Variants in CLECL1 observed in about 807,000 individuals in gnomAD.
CLECL1 encodes the protein C-type lectin-like domain family 1.
At chr12:9,730,993 A>G (rs1310756415) in intron 1 of CLECL1, among the ~76,000 whole-genome samples, 1 of 152,200 alleles carries the variant, frequency 6.6e-6, no homozygotes, top group African/African-American at 2.4e-5. Context: ...GCCACTACAC[A>G]TGTTACTAAT....
chr12:9,724,326 A>G (rs1565482111), intron 3 of CLECL1, among the ~76,000 whole-genome samples: 1 of 152,228 alleles, frequency 6.6e-6, no homozygotes, highest in Non-Finnish European at 1.5e-5. Flanking sequence ...AATGCCTTAC[A>G]TGAAAAACCA....
chr12:9,730,938 G>A lies in CLECL1; in HGVS notation n.83-1262C>T, dbSNP rs11835130. Among the ~76,000 whole-genome samples the A allele has an allele frequency of 7.8e-3, 1,181 of 152,142 alleles. 19 individuals are homozygous for A. The highest frequency in any genetic ancestry group is 0.027 in the African/African-American group (1,123 of 41,480). ...TGGGCTCAAGCGATCCTCCTTCCTC[G>A]GCATCCCAAAGTGTTGGGATTACAG... On this transcript the variant is annotated intron_variant and non_coding_transcript_variant, in intron 1 of 3. Coordinates refer to ENST00000621400, the Ensembl canonical transcript of CLECL1.
downstream of CLECL1, chr12:9,722,583 T>G (rs1866326451): frequency 6.5e-7 from 1 of 1,536,736 alleles, no homozygotes; most frequent in African/African-American, 1.4e-5. Flanking sequence ...GCCAAGTTTG[T>G]AGCACAAAAA....
chr12:9,727,450 C>T (rs959818985), intron 3 of CLECL1, among the ~76,000 whole-genome samples: 1 of 151,718 alleles, frequency 6.6e-6, no homozygotes, highest in Admixed American at 6.6e-5. Flanking sequence ...ATGATCTAAA[C>T]CATCTGTCTA....
chr12:9,721,099 CCTTA>C (rs1240852698), downstream of CLECL1, among the ~76,000 whole-genome samples: 3 of 152,048 alleles, frequency 2.0e-5, no homozygotes, highest in Admixed American at 6.6e-5. Context: ...CACACATCTC[CCTTA>C]CTTCTTTTTA....
chr12:9,727,535 C>A (rs746996623), intron 3 of CLECL1, among the ~76,000 whole-genome samples: 3 of 151,730 alleles, frequency 2.0e-5, no homozygotes, highest in African/African-American at 7.2e-5. Flanking sequence ...CTTGGTTACT[C>A]AGGAATTTGG....
the CLECL1 span, chr12:9,709,028 G>T: frequency 5.8e-6 from 1 of 172,806 alleles, no homozygotes; most frequent in Non-Finnish European, 1.2e-5. Flanking sequence ...AGGAAGGACT[G>T]AGTTGGCCTC....
At chr12:9,711,501 A>C (rs772610751), downstream of CLECL1, among the ~76,000 whole-genome samples, 10 of 98,454 alleles carry the variant, frequency 1.0e-4, no homozygotes, top group African/African-American at 3.8e-4. Context: ...GGTTTCAGAG[A>C]GTAAGTTATT....
the CLECL1 span, among the ~76,000 whole-genome samples, chr12:9,702,237 G>A: frequency 1.3e-5 from 2 of 152,160 alleles, no homozygotes; most frequent in Non-Finnish European, 2.9e-5. Context: ...GCTCTCAGCG[G>A]GATAGGGAGC....
At chr12:9,721,910 G>C (rs905774782), downstream of CLECL1, among the ~76,000 whole-genome samples, 1 of 152,086 alleles carries the variant, frequency 6.6e-6, no homozygotes, top group Non-Finnish European at 1.5e-5. Context: ...GTTTTTCTTG[G>C]TGTGGATTTC....
intron 3 of CLECL1, among the ~76,000 whole-genome samples, chr12:9,724,974 C>T (rs1866361002): frequency 6.6e-6 from 1 of 152,208 alleles, no homozygotes; most frequent in East Asian, 1.9e-4. Flanking sequence ...ACAAAAATCC[C>T]TCATCCTCAT....
At chr12:9,716,863 T>G in intron 2 of CLECL1, 1 of 681,474 alleles carries the variant, frequency 1.5e-6, no homozygotes. Flanking sequence ...TATGGGACCA[T>G]CCTAGAATCA....
chr12:9,710,709 G>A, the CLECL1 span, among the ~76,000 whole-genome samples: 1 of 152,176 alleles, frequency 6.6e-6, no homozygotes, highest in Non-Finnish European at 1.5e-5. Context: ...GGAACACATA[G>A]GTGGCTGGAC....
At chr12:9,708,117 T>C in the CLECL1 span, among the ~76,000 whole-genome samples, 1 of 152,120 alleles carries the variant, frequency 6.6e-6, no homozygotes, top group Non-Finnish European at 1.5e-5. Context: ...ACCAGGACTG[T>C]ACAAGGTGCT....
chr12:9,733,317 T>C (rs1264195159), upstream of CLECL1: 1 of 1,197,966 alleles, frequency 8.3e-7, no homozygotes, highest in Non-Finnish European at 1.2e-6. Context: ...GAAATGCTTT[T>C]AACTTTTATT....
chr12:9,705,189 G>C, the CLECL1 span, among the ~76,000 whole-genome samples: 6 of 151,670 alleles, frequency 4.0e-5, no homozygotes, highest in Non-Finnish European at 7.4e-5. Flanking sequence ...TCATATAATT[G>C]TTGGCCACAT....
chr12:9,720,745 T>C (rs969856047), downstream of CLECL1, among the ~76,000 whole-genome samples: 12 of 152,182 alleles, frequency 7.9e-5, no homozygotes, highest in African/African-American at 2.7e-4. Flanking sequence ...CTGGTGGAGT[T>C]TGTAGAGAAA....
intron 2 of CLECL1, among the ~76,000 whole-genome samples, chr12:9,728,530 G>A (rs905573753): frequency 2.0e-5 from 3 of 151,788 alleles, no homozygotes; most frequent in East Asian, 1.9e-4. Flanking sequence ...CGTGAACATC[G>A]TTGCCTTCTA....
At chr12:9,705,770 C>T in the CLECL1 span, among the ~76,000 whole-genome samples, 39,316 of 151,964 alleles carry the variant, frequency 0.26, 7,777 homozygotes, top group African/African-American at 0.56. Context: ...TCTGTTGTTG[C>T]ACTGGTACCA....
Sources: allele counts gnomAD v4.1 joint callset (sites outside exome capture counted in the v4.1 genomes callset), GRCh38; gene constraint gnomAD v4.1.1; transcripts MANE v1.5; gene names NCBI Gene and HGNC (gene_info 2026-07-23, HGNC 2026-07-21).